The following USP22 variants were observed in gnomAD, a reference collection of about 807,000 sequenced individuals.
USP22 encodes the protein ubiquitin carboxyl-terminal hydrolase 22.
A neutral mutation model predicts 68.1 loss-of-function variants in USP22; 22 were observed. The ratio of observed to expected loss-of-function variants is 0.32; its 90% CI spans 0.23 to 0.46. The LOEUF is 0.46. Among genes scored for constraint, USP22 ranks in the 20% least tolerant of loss-of-function variants. USP22 has a pLI of 1.00. For synonymous variants in USP22, 279 were observed against 274.2 expected, an observed-to-expected ratio of 1.02 and a Z score of -0.17; for missense variants, 433 against 695.8, an observed-to-expected ratio of 0.62 and a Z score of 4.25.
At chr17:21,010,207 AG>A (rs1913911365) in intron 8 of USP22, among the ~76,000 whole-genome samples, 1 of 152,222 alleles carries the variant, frequency 6.6e-6, no homozygotes, top group South Asian at 2.1e-4. Context: ...CTGACTATGC[AG>A]CCAGACAGAA....
intron 1 of USP22, 124 bp downstream of exon 1, chr17:21,042,541 A>G: frequency 1.1e-6 from 1 of 932,906 alleles, no homozygotes; most frequent in Non-Finnish European, 1.4e-6. Flanking sequence ...AGGAGAGAGG[A>G]AGAGGAAGGA....
chr17:21,041,685 C>T (rs1022615215), intron 1 of USP22, among the ~76,000 whole-genome samples: 1 of 152,220 alleles, frequency 6.6e-6, no homozygotes, highest in Non-Finnish European at 1.5e-5. Context: ...AAAAAAATGC[C>T]ACTCAAGGTG....
At chr17:21,024,511 C>T (rs1972196563) in intron 2 of USP22, among the ~76,000 whole-genome samples, 1 of 152,162 alleles carries the variant, frequency 6.6e-6, no homozygotes, top group Non-Finnish European at 1.5e-5. Flanking sequence ...CAAATCCTTA[C>T]CTCATACTGT....
At chr17:21,020,900 C>T (rs997581031) in intron 3 of USP22, among the ~76,000 whole-genome samples, 3 of 152,182 alleles carry the variant, frequency 2.0e-5, no homozygotes, top group Admixed American at 6.5e-5. Context: ...CCCAAGCACA[C>T]GGGCAGCTAT....
intron 12 of USP22, 24 bp downstream of exon 12, chr17:21,004,177 CT>C: frequency 6.2e-7 from 1 of 1,611,242 alleles, no homozygotes; most frequent in Non-Finnish European, 8.5e-7. Context: ...ACCGTAGGGC[CT>C]TCCTCCCACC....
chr17:21,027,604 C>A (rs1226478356), intron 2 of USP22, among the ~76,000 whole-genome samples: 1 of 152,186 alleles, frequency 6.6e-6, no homozygotes, highest in Non-Finnish European at 1.5e-5. Context: ...TGAAGGATAT[C>A]CTGCCAACTC....
chr17:21,013,308 G>A (rs1348122562), intron 6 of USP22, among the ~76,000 whole-genome samples: 1 of 152,130 alleles, frequency 6.6e-6, no homozygotes, highest in Admixed American at 6.5e-5. Flanking sequence ...GGTACACCCG[G>A]GGAAGCCCCA....
chr17:21,021,649 A>C (rs1972157805), intron 2 of USP22, among the ~76,000 whole-genome samples: 1 of 152,160 alleles, frequency 6.6e-6, no homozygotes. Context: ...TGTGGCAGCA[A>C]CTTGCTGTGA....
In USP22 at chr17:21,006,901, G is replaced by A. The variant is rs374033433; in HGVS notation, c.1317C>T (p.Ala439=). The A allele has an allele frequency of 6.2e-7, 1 of 1,604,588 alleles. No individual in the cohort carries two copies. Among genetic ancestry groups the A allele is most frequent in the Non-Finnish European group, 8.5e-7 (1 of 1,175,250 alleles). The change falls in exon 10 of 13, where the codon GCC becomes GCT. Residue 439 remains alanine (A), a synonymous_variant. Transcript: ENST00000261497. The stretch of plus-strand genomic sequence containing the variant: ...GGGCCTACAACCCCACATACCTGGA[G>A]GCCATGAAAGGGGTCATGTCCAGCT... ...PLELDMTPFM[A]SSKESRMNGQ... is the part of the protein sequence containing the mutation.
chr17:21,030,647 A>T (rs1972278751), intron 1 of USP22, among the ~76,000 whole-genome samples: 1 of 152,174 alleles, frequency 6.6e-6, no homozygotes, highest in Non-Finnish European at 1.5e-5. Context: ...TGCTCCTGAG[A>T]AGTAGGGAGG....
chr17:21,033,206 T>C (rs1201276625), intron 1 of USP22, among the ~76,000 whole-genome samples: 2 of 152,202 alleles, frequency 1.3e-5, no homozygotes, highest in Non-Finnish European at 2.9e-5. Context: ...TAGAATCTAC[T>C]ACTCCATAGC....
intron 1 of USP22, among the ~76,000 whole-genome samples, chr17:21,035,600 T>G (rs1435850801): frequency 1.3e-5 from 2 of 151,294 alleles, no homozygotes; most frequent in Non-Finnish European, 2.9e-5. Flanking sequence ...AGTCAACAAG[T>G]CACAAGGCCC....
intron 2 of USP22, among the ~76,000 whole-genome samples, chr17:21,022,417 G>C (rs1742620970): frequency 6.6e-6 from 1 of 152,074 alleles, no homozygotes; most frequent in South Asian, 2.1e-4. Flanking sequence ...TAATAGTTTG[G>C]GCTCTTAATT....
chr17:21,016,302 G>A (rs1354181185), intron 5 of USP22, among the ~76,000 whole-genome samples: 1 of 152,196 alleles, frequency 6.6e-6, no homozygotes, highest in Non-Finnish European at 1.5e-5. Flanking sequence ...GAATTCACCA[G>A]CATCAGCCAC....
intron 10 of USP22, among the ~76,000 whole-genome samples, chr17:21,006,328 C>G (rs1357829589): frequency 6.6e-6 from 1 of 152,156 alleles, no homozygotes; most frequent in Non-Finnish European, 1.5e-5. Context: ...AAAATGTTGC[C>G]TTCTCGCTGT....
Position 21,042,902 on chromosome 17 carries a change from G to T in USP22, c.-67C>A. On this transcript the variant is annotated 5_prime_UTR_variant, in exon 1 of 13. Coordinates refer to ENST00000261497, the MANE Select transcript of USP22 (RefSeq NM_015276.2). ...GAGGCGAGGACGACGCCAGCGCGGC[G>T]TGGGGGCTGCTCGGCGGCTGGCCAG... The T allele has an allele frequency of 9.1e-7, 1 of 1,094,038 alleles. No individual in the cohort carries two copies. Among genetic ancestry groups the T allele is most frequent in the Non-Finnish European group, 1.2e-6 (1 of 867,820 alleles). 67.8% of individuals were successfully genotyped at this position (1,094,038 alleles called of 1,614,324 possible).
At chr17:21,014,006 G>A (rs950704226) in intron 6 of USP22, among the ~76,000 whole-genome samples, 1 of 152,166 alleles carries the variant, frequency 6.6e-6, no homozygotes, top group Non-Finnish European at 1.5e-5. Context: ...CCTGGGAGGC[G>A]GAGGTTGCAG....
At chr17:21,028,331 C>G (rs1972247564) in intron 2 of USP22, among the ~76,000 whole-genome samples, 2 of 152,206 alleles carry the variant, frequency 1.3e-5, no homozygotes, top group Admixed American at 6.5e-5. Flanking sequence ...GCCATTCACT[C>G]AGAACCATCG....
At chr17:21,004,822 A>T in intron 11 of USP22, 106 bp downstream of exon 11, 1 of 1,255,788 alleles carries the variant, frequency 8.0e-7, no homozygotes, top group Non-Finnish European at 1.1e-6. Context: ...AGCGGGAAGC[A>T]GGTCAGTGGC....
Sources: gnomAD v4.1 joint callset for allele counts (sites outside exome capture counted in the v4.1 genomes callset) on GRCh38, gnomAD v4.1.1 for gene constraint, MANE v1.5 for transcripts, NCBI Gene and HGNC (gene_info 2026-07-23, HGNC 2026-07-21) for gene names.